Variants in ITM2C observed in about 807,000 individuals in gnomAD.
The protein encoded by ITM2C is integral membrane protein 2C.
Under a neutral mutation model 30.0 loss-of-function variants are expected in ITM2C, and 20 were observed. The ratio of observed to expected loss-of-function variants is 0.67; its 90% confidence interval spans 0.47 to 0.97. ITM2C has a LOEUF of 0.97. Among genes scored for constraint, ITM2C ranks in the 50% least tolerant of loss-of-function variants. ITM2C has a pLI of 0.00. For missense variants in ITM2C, 366 were observed against 371.9 expected (o/e 0.98, Z 0.13); for synonymous variants, 167 against 156.4 (o/e 1.07, Z -0.51).
At chr2:230,871,048 C>T (rs1178959797) in intron 1 of ITM2C, among the ~76,000 whole-genome samples, 2 of 152,222 alleles carry the variant, frequency 1.3e-5, no homozygotes, top group Non-Finnish European at 2.9e-5. Context: ...TTATCTAGCA[C>T]TTGATCCTTT....
chr2:230,872,407 C>T (rs1465218428), intron 1 of ITM2C, among the ~76,000 whole-genome samples: 1 of 152,126 alleles, frequency 6.6e-6, no homozygotes, highest in African/African-American at 2.4e-5. Flanking sequence ...ACCTGGCTGG[C>T]TCTCGTCAGT....
At chr2:230,869,898 G>A (rs558453739) in intron 1 of ITM2C, among the ~76,000 whole-genome samples, 2 of 152,338 alleles carry the variant, frequency 1.3e-5, no homozygotes, top group Admixed American at 6.5e-5. Context: ...GAGCTCTGTT[G>A]CCTTGGAAAC....
rs564858765 is a variant in ITM2C, at chr2:230,868,373, A to G, written c.120+3228A>G. 7.2e-5 allele frequency among the ~76,000 whole-genome samples: 11 copies of G among 152,074 alleles called. No individual in the cohort carries two copies. In the East Asian group the frequency reaches 2.1e-3, roughly 30 times the overall value. On this transcript the variant is annotated intron_variant, in intron 1 of 5. Transcript: ENST00000326427. ...AGCAAAGCACTCCCTCCCAGCGCCA[A>G]CTGGATCCCTCCTCCCCTTTGGGGG...
At position 230,873,429 on chromosome 2, in the gene ITM2C, C is replaced by T. The variant is rs757609355; in HGVS notation, c.133C>T (p.Pro45Ser). ...TTGCTATCCACAGGAGGAGCAGCCC[C>T]CACAACATCGATCCAAGAGGGGGGG... ...LLTPAREEQP[P>S]QHRSKRGGSV... The change falls in exon 2 of 6, where the codon CCA becomes TCA. Residue 45 changes from proline to serine, a missense_variant. Transcript: ENST00000326427. 2 of 1,593,532 alleles carry T rather than the reference C, an allele frequency of 1.3e-6. No homozygotes were observed. The highest frequency in any genetic ancestry group is 2.3e-5 in the South Asian group (2 of 87,434).
rs751448954 is a variant in ITM2C at position 230,876,846 on chromosome 2, TCTC to T, written c.451-8_451-6del. ...TCCTGCAGAGACTGACCCAACCCCT[TCTC>T]CTGCCAGGGTCTGACTGCGTACCAT... On this transcript the variant is annotated splice_polypyrimidine_tract_variant and splice_region_variant and intron_variant, in intron 3 of 5. Coordinates refer to ENST00000326427, the MANE Select transcript of ITM2C (RefSeq NM_030926.6). 25 of 1,596,294 alleles carry T rather than the reference TCTC, an allele frequency of 1.6e-5. No homozygotes were observed. In the East Asian group the frequency reaches 4.9e-4, roughly 31 times the overall value.
chr2:230,875,017 A>C (rs540810528), intron 2 of ITM2C, among the ~76,000 whole-genome samples: 1 of 152,148 alleles, frequency 6.6e-6, no homozygotes, highest in South Asian at 2.1e-4. Context: ...CAAGACTCTT[A>C]ACAGTGTTGC....
rs1457829249 is a variant in ITM2C at position 230,873,537 on chromosome 2, A to G, written c.241A>G (p.Arg81Gly). 6.2e-7 allele frequency: 1 copy of G among 1,608,608 alleles called. No individual in the cohort carries two copies. Residue 81 changes from arginine (R) to glycine (G), a missense_variant, in exon 2 of 6, where the codon AGA becomes GGA. By Grantham distance (125) the Arg-to-Gly change is moderately radical. Coordinates refer to ENST00000326427, the MANE Select transcript of ITM2C (RefSeq NM_030926.6). ...CGTGTTCGCCTCTGTCTACATCTAC[A>G]GATACTTCTTCCTTGCGCAGGTGAG... Reference protein sequence around the residue: ...GLVFASVYIYRYFFLAQLARD... With the variant: ...GLVFASVYIYGYFFLAQLARD...
chr2:230,876,004 T>A (rs539432489), intron 3 of ITM2C, among the ~76,000 whole-genome samples, 196 bp downstream of exon 3: 4 of 152,296 alleles, frequency 2.6e-5, no homozygotes, highest in African/African-American at 9.6e-5. Flanking sequence ...CGAGGCTGAT[T>A]TTCTCCTCAG....
intron 2 of ITM2C, among the ~76,000 whole-genome samples, chr2:230,874,510 TCA>T (rs960380078): frequency 2.0e-5 from 3 of 151,986 alleles, no homozygotes; most frequent in Non-Finnish European, 4.4e-5. Context: ...CACCCTCGAC[TCA>T]CACCCTTCTC....
chr2:230,878,089 G>C lies in ITM2C; in HGVS notation c.794G>C (p.Gly265Ala). 4 of 1,592,076 alleles carry C rather than the reference G, an allele frequency of 2.5e-6. No individual in the cohort carries two copies. The highest frequency in any genetic ancestry group is 3.4e-6 in the Non-Finnish European group (4 of 1,167,400). ...TTCGTGGTGGAGACGCTCATCTGCG[G>C]GGTGGTGTGAGGCCCTCCTCCCCCA... Reference protein sequence around the residue: ...NTFVVETLICGVV With the variant: ...NTFVVETLICAVV Residue 265 changes from glycine to alanine, a missense_variant, in exon 6 of 6, where the codon GGG becomes GCG. Physicochemically the swap from Gly to Ala is moderately conservative, Grantham distance 60 (BLOSUM62 0). Coordinates refer to ENST00000326427, the MANE Select transcript of ITM2C (RefSeq NM_030926.6). The surrounding 1 kb of genome is among the most constrained non-coding windows in gnomAD (Gnocchi z 4.5).
chr2:230,875,500 CTCT>C (rs1412737837), intron 2 of ITM2C, 117 bp from the exon 3 acceptor site: 7 of 835,252 alleles, frequency 8.4e-6, no homozygotes, highest in Non-Finnish European at 1.3e-5. Flanking sequence ...ACAGTCCCTG[CTCT>C]TCTTGCTTCC....
In ITM2C at chr2:230,870,751, T is replaced by TAAGGCGGA. The variant is rs549623908; in HGVS notation, c.121-2651_121-2644dup. On this transcript the variant is annotated intron_variant, in intron 1 of 5. Coordinates refer to ENST00000326427, the MANE Select transcript of ITM2C (RefSeq NM_030926.6). ...CAGCTCAAGTTCTGCAGACCAGCATTAAGGCGGAAAGGCGGAAAGGCGAGG... is the reference window on the plus strand; with the variant it reads ...CAGCTCAAGTTCTGCAGACCAGCATTAAGGCGGAAAGGCGGAAAGGCGGAAAGGCGAGG... Among the ~76,000 whole-genome samples the TAAGGCGGA allele has an allele frequency of 3.5e-3, 533 of 152,332 alleles. 1 individual carries two copies. The highest frequency in any genetic ancestry group is 0.017 in the South Asian group (80 of 4,820).
At chr2:230,873,257 C>T (rs1348873073) in intron 1 of ITM2C, 160 bp from the exon 2 acceptor site, 5 of 583,914 alleles carry the variant, frequency 8.6e-6, no homozygotes, top group Admixed American at 3.9e-5. Flanking sequence ...TCCGGGTGAC[C>T]CTGGTGGGCC....
chr2:230,870,133 C>A (rs1429662114), intron 1 of ITM2C, among the ~76,000 whole-genome samples: 1 of 152,222 alleles, frequency 6.6e-6, no homozygotes, highest in Non-Finnish European at 1.5e-5. Context: ...CTCCCTGATG[C>A]CCCACTGTCC....
At position 230,877,416 on chromosome 2, in the gene ITM2C, C is replaced by T. The variant is rs780501462; in HGVS notation, c.578C>T (p.Pro193Leu). Residue 193 changes from proline (P) to leucine (L), a missense_variant, in exon 5 of 6, where the codon CCG (proline) becomes CTG (leucine). By Grantham distance (98) the Pro-to-Leu change is moderately conservative. Coordinates refer to ENST00000326427, the MANE Select transcript of ITM2C (RefSeq NM_030926.6). The surrounding 1 kb of genome is among the most constrained non-coding windows in gnomAD (Gnocchi z 4.8). ...GTTTTGCAGAGGGGGACCTACCTGC[C>T]GCAGACGTACATCATCCAGGAGGAG... ...LMNVKRGTYL[P>L]QTYIIQEEMV... The T allele has an allele frequency of 8.1e-6, 13 of 1,613,850 alleles. No individual in the cohort carries two copies. Among genetic ancestry groups the T allele is most frequent in the Admixed American group, 1.7e-5 (1 of 60,016 alleles).
chr2:230,867,438 G>T (rs899574721), intron 1 of ITM2C, among the ~76,000 whole-genome samples: 1 of 152,130 alleles, frequency 6.6e-6, no homozygotes, highest in Non-Finnish European at 1.5e-5. Context: ...CCAGCAGTGA[G>T]CAGGCAGGAG....
At chr2:230,867,662 T>A (rs1177285639) in intron 1 of ITM2C, among the ~76,000 whole-genome samples, 55 of 71,394 alleles carry the variant, frequency 7.7e-4, no homozygotes, top group African/African-American at 3.5e-3. Context: ...TATTTTATTT[T>A]ATTTTATTTT....
Position 230,864,996 on chromosome 2 carries a change from T to A in ITM2C, c.-30T>A. ...AGACCGAGGCTGCACCGGCAGAGGC[T>A]GCGGGGCGGACGCGCGGGCCGGCGC... On this transcript the variant is annotated 5_prime_UTR_variant, in exon 1 of 6. Coordinates refer to ENST00000326427, the MANE Select transcript of ITM2C (RefSeq NM_030926.6). This position sits in a 1 kb window ranked among gnomAD's most constrained non-coding sequence, Gnocchi z 4.3. 1 of 1,446,450 alleles carries A rather than the reference T, an allele frequency of 6.9e-7. No individual in the cohort carries two copies. Among genetic ancestry groups the A allele is most frequent in the East Asian group, 2.8e-5 (1 of 35,560 alleles). The allele number at this position is 1,446,450 out of a possible 1,614,324, so 89.6% of individuals were successfully genotyped here.
Position 230,877,539 on chromosome 2 carries a change from C to T in ITM2C, c.701C>T (p.Ala234Val). 6.2e-7 allele frequency: 1 copy of T among 1,613,606 alleles called. No individual in the cohort carries two copies. Reference protein sequence around the residue: ...GKDTYRLRRRATRRRINKRGA... With the variant: ...GKDTYRLRRRVTRRRINKRGA... ...GACACCTACCGGCTCCGGCGCCGGG[C>T]AACGCGGAGGCGTGAGTGGCTGGCT... The change falls in exon 5 of 6, where the codon GCA (alanine) becomes GTA (valine). Residue 234 changes from alanine to valine, a missense_variant. By Grantham distance (64) the Ala-to-Val change is moderately conservative. Transcript: ENST00000326427. This position sits in a 1 kb window ranked among gnomAD's most constrained non-coding sequence, Gnocchi z 4.8.
Sources: allele counts gnomAD v4.1 joint callset (sites outside exome capture counted in the v4.1 genomes callset), GRCh38; gene constraint gnomAD v4.1.1; non-coding constraint Gnocchi (gnomAD v3.1); transcripts MANE v1.5; gene names NCBI Gene and HGNC (gene_info 2026-07-23, HGNC 2026-07-21).